ASPRV1: variants seen among roughly 807,000 people sequenced by gnomAD.
The protein encoded by ASPRV1 is retroviral-like aspartic protease 1.
ASPRV1 carries 7 observed loss-of-function variants against 11.0 expected under a neutral mutation model. The ratio of observed to expected loss-of-function variants is 0.64; its 90% CI spans 0.36 to 1.20. The LOEUF (loss-of-function observed/expected upper bound fraction) is 1.20. Among genes scored for constraint, ASPRV1 ranks in the 50% most tolerant of loss-of-function variants. ASPRV1 has a pLI of 0.02. For missense variants in ASPRV1, 299 were observed against 320.0 expected (o/e 0.93, Z 0.50); for synonymous variants, 136 against 138.4 (o/e 0.98, Z 0.12).
the ASPRV1 span, among the ~76,000 whole-genome samples, chr2:69,934,896 A>T: frequency 6.6e-6 from 1 of 152,242 alleles, no homozygotes; most frequent in Admixed American, 6.5e-5. Flanking sequence ...GCTTCAACAA[A>T]TAACTCCACA....
the ASPRV1 span, chr2:69,936,912 A>G: frequency 4.0e-6 from 2 of 500,016 alleles, no homozygotes; most frequent in Admixed American, 4.6e-5. Context: ...TGCTGCAAAC[A>G]AGGGAGATCA....
At chr2:70,077,056 G>T in the ASPRV1 span, among the ~76,000 whole-genome samples, 1 of 152,124 alleles carries the variant, frequency 6.6e-6, no homozygotes, top group African/African-American at 2.4e-5. Context: ...CAAAGCAGGA[G>T]GTCCGACCCC....
chr2:70,004,528 CA>C, the ASPRV1 span, among the ~76,000 whole-genome samples: 10,988 of 54,766 alleles, frequency 0.2, 484 homozygotes, highest in South Asian at 0.35. Context: ...AACTCCATCT[CA>C]AAAAAAAAAA....
the ASPRV1 span, among the ~76,000 whole-genome samples, chr2:69,998,304 TTA>T: frequency 6.6e-6 from 1 of 152,120 alleles, no homozygotes; most frequent in Non-Finnish European, 1.5e-5. Flanking sequence ...ATTTGTGACT[TTA>T]TGTTTGTCAT....
downstream of ASPRV1, among the ~76,000 whole-genome samples, chr2:69,959,476 T>C (rs1678010628): frequency 6.6e-6 from 1 of 151,972 alleles, no homozygotes; most frequent in African/African-American, 2.4e-5. Context: ...AAATACGAGA[T>C]GGACCCCTAA....
At chr2:70,001,830 G>C in the ASPRV1 span, among the ~76,000 whole-genome samples, 2 of 152,088 alleles carry the variant, frequency 1.3e-5, no homozygotes, top group Admixed American at 1.3e-4. Context: ...GGACACAATT[G>C]TTAATAACCT....
the ASPRV1 span, chr2:69,975,990 T>G: frequency 6.5e-6 from 1 of 152,978 alleles, no homozygotes; most frequent in East Asian, 1.9e-4. Flanking sequence ...CCAGCACGCT[T>G]ACTGCTCTCC....
At chr2:70,040,373 CTTTA>C in the ASPRV1 span, among the ~76,000 whole-genome samples, 61 of 152,164 alleles carry the variant, frequency 4.0e-4, no homozygotes, top group Admixed American at 1.8e-3. Context: ...GACTTTGTCT[CTTTA>C]TTTATTTTTT....
the ASPRV1 span, among the ~76,000 whole-genome samples, chr2:70,014,226 G>T: frequency 1.3e-5 from 2 of 152,102 alleles, no homozygotes; most frequent in East Asian, 1.9e-4. Context: ...AGTAAAAAAG[G>T]TGATGCACAG....
chr2:69,963,558 T>C (rs1158375904), upstream of ASPRV1: 2 of 416,300 alleles, frequency 4.8e-6, no homozygotes, highest in East Asian at 1.4e-4. Flanking sequence ...GCGAGGCAGG[T>C]GGCTTGTCAG....
chr2:70,075,810 T>C, the ASPRV1 span, among the ~76,000 whole-genome samples: 1 of 151,908 alleles, frequency 6.6e-6, no homozygotes, highest in East Asian at 1.9e-4. Context: ...GATCACGCCA[T>C]TGCATTCCAG....
the ASPRV1 span, among the ~76,000 whole-genome samples, chr2:69,973,959 G>T: frequency 6.6e-6 from 1 of 152,088 alleles, no homozygotes; most frequent in Non-Finnish European, 1.5e-5. Flanking sequence ...CAGACTTGGG[G>T]AAAAAGCACA....
chr2:69,972,038 C>T, the ASPRV1 span, among the ~76,000 whole-genome samples: 1 of 151,942 alleles, frequency 6.6e-6, no homozygotes, highest in Admixed American at 6.6e-5. Context: ...GGCTGTGATT[C>T]GGTTGCTGTC....
the ASPRV1 span, among the ~76,000 whole-genome samples, chr2:70,071,291 G>A: frequency 6.6e-6 from 1 of 152,228 alleles, no homozygotes; most frequent in East Asian, 1.9e-4. Flanking sequence ...GGGAGAAGTA[G>A]AAATTGTTTC....
chr2:70,085,698 G>C, the ASPRV1 span: 1 of 152,244 alleles, frequency 6.6e-6, no homozygotes, highest in Non-Finnish European at 1.5e-5. Flanking sequence ...ATTAAAGATA[G>C]AATACGGTGA....
the ASPRV1 span, chr2:70,083,498 C>A: frequency 6.6e-6 from 1 of 152,330 alleles, no homozygotes; most frequent in Middle Eastern, 3.4e-3. Context: ...AAGTCTAAAC[C>A]TGACTCACCT....
At chr2:70,036,209 T>C in the ASPRV1 span, among the ~76,000 whole-genome samples, 1 of 151,770 alleles carries the variant, frequency 6.6e-6, no homozygotes, top group South Asian at 2.1e-4. Context: ...TACTTGAATA[T>C]GGTGGGTGGG....
the ASPRV1 span, chr2:70,083,680 A>T: frequency 6.6e-6 from 1 of 152,216 alleles, no homozygotes; most frequent in Admixed American, 6.5e-5. Flanking sequence ...CCACAAGATA[A>T]TGCAGGTCTG....
chr2:70,057,309 A>T, the ASPRV1 span, among the ~76,000 whole-genome samples: 9 of 152,136 alleles, frequency 5.9e-5, no homozygotes, highest in Non-Finnish European at 1.3e-4. Flanking sequence ...AAGTATACAG[A>T]GTTTCTCCTC....
Sources: gnomAD v4.1 joint callset for allele counts (sites outside exome capture counted in the v4.1 genomes callset) on GRCh38, gnomAD v4.1.1 for gene constraint, MANE v1.5 for transcripts, NCBI Gene and HGNC (gene_info 2026-07-23, HGNC 2026-07-21) for gene names.